Variants in PSME4 observed in about 807,000 individuals in gnomAD.
PSME4 encodes the protein proteasome activator complex subunit 4.
Under a neutral mutation model 253.9 loss-of-function variants are expected in PSME4, and 89 were observed. The ratio of observed to expected loss-of-function variants is 0.35; its 90% CI spans 0.30 to 0.42. The LOEUF is 0.42. PSME4 is among the 10% of genes least tolerant of loss of function. The probability of loss-of-function intolerance (pLI) is 1.00; values close to 1 mark genes in which losing one functional copy is unlikely to be tolerated. For missense variants in PSME4, 2,014 were observed against 2,195.2 expected (o/e 0.92, Z 1.65); for synonymous variants, 851 against 759.2 (o/e 1.12, Z -1.99).
chr2:53,964,437 CT>C (rs898572280), intron 1 of PSME4, among the ~76,000 whole-genome samples: 14 of 152,042 alleles, frequency 9.2e-5, no homozygotes, highest in African/African-American at 3.4e-4. Context: ...TTTTTTTCCC[CT>C]TATGGAAAAT....
At chr2:53,963,060 ATCCCAACACTT>A (rs1193067753) in intron 1 of PSME4, among the ~76,000 whole-genome samples, 5 of 152,154 alleles carry the variant, frequency 3.3e-5, no homozygotes, top group Middle Eastern at 3.4e-3. Flanking sequence ...CACGCATGTA[ATCCCAACACTT>A]TCCCAACACT....
At chr2:53,877,882 A>G (rs1453737308) in intron 41 of PSME4, among the ~76,000 whole-genome samples, 1 of 152,212 alleles carries the variant, frequency 6.6e-6, no homozygotes, top group African/African-American at 2.4e-5. Context: ...TACCTCAGTT[A>G]ATATAATCCT....
At chr2:53,908,711 T>C (rs1489130218) in intron 22 of PSME4, 73 bp downstream of exon 22, 4 of 1,449,054 alleles carry the variant, frequency 2.8e-6, no homozygotes, top group Admixed American at 2.0e-5. Flanking sequence ...AGTAAACACA[T>C]GCATGTTATA....
Position 53,948,480 on chromosome 2 carries a change from G to T in PSME4, c.441C>A (p.Asp147Glu), listed in dbSNP as rs754972961. Residue 147 changes from aspartate (D) to glutamate (E), a missense_variant, in exon 3 of 47, where the codon GAC becomes GAA. Transcript: ENST00000404125. ...DLELPWRPLY[D>E]MVERILYSKT... Reference sequence around the variant, plus strand: ...TGGAATATAATATTCTTTCTACCATGTCATAAAGTGGTCTCCAGGGTAACT... The same window carrying T: ...TGGAATATAATATTCTTTCTACCATTTCATAAAGTGGTCTCCAGGGTAACT... 6.2e-7 allele frequency: 1 copy of T among 1,613,692 alleles called. No individual in the cohort carries two copies. Among genetic ancestry groups the T allele is most frequent in the South Asian group, 1.1e-5 (1 of 91,054 alleles).
At chr2:53,902,139 A>G (rs1226441016) in intron 27 of PSME4, among the ~76,000 whole-genome samples, 2 of 152,236 alleles carry the variant, frequency 1.3e-5, no homozygotes, top group Non-Finnish European at 2.9e-5. Flanking sequence ...GATGTTTCTA[A>G]GAACATATAT....
chr2:53,892,032 T>C (rs542248729), intron 36 of PSME4, among the ~76,000 whole-genome samples: 2 of 152,210 alleles, frequency 1.3e-5, no homozygotes, highest in South Asian at 4.1e-4. Context: ...AAAAGCTTTA[T>C]CTCAAAGAAC....
At chr2:53,942,644 T>G (rs375254831) in intron 3 of PSME4, among the ~76,000 whole-genome samples, 2 of 152,172 alleles carry the variant, frequency 1.3e-5, no homozygotes, top group African/African-American at 4.8e-5. Flanking sequence ...AGATAAGGTA[T>G]AGAAAGCAGG....
At chr2:53,955,809 T>G (rs1052725455) in intron 1 of PSME4, among the ~76,000 whole-genome samples, 2 of 151,640 alleles carry the variant, frequency 1.3e-5, no homozygotes, top group Non-Finnish European at 2.9e-5. Flanking sequence ...GTAGTCCCAG[T>G]AACTCAGGAG....
chr2:53,920,078 T>C, intron 19 of PSME4, 115 bp downstream of exon 19: 3 of 894,306 alleles, frequency 3.4e-6, no homozygotes, highest in Non-Finnish European at 3.3e-6. Flanking sequence ...AGTACATGTA[T>C]AGCAGATTTT....
chr2:53,958,587 G>T (rs1670340187), intron 1 of PSME4, among the ~76,000 whole-genome samples: 1 of 152,014 alleles, frequency 6.6e-6, no homozygotes, highest in South Asian at 2.1e-4. Context: ...CTCCCAAGAG[G>T]CGCTTCCTTT....
At chr2:53,965,438 G>C (rs1321276359) in intron 1 of PSME4, among the ~76,000 whole-genome samples, 1 of 151,984 alleles carries the variant, frequency 6.6e-6, no homozygotes, top group Non-Finnish European at 1.5e-5. Flanking sequence ...CACCATGTTG[G>C]CCAAGGAACT....
chr2:53,890,829 A>G (rs1679871790), intron 36 of PSME4, among the ~76,000 whole-genome samples: 1 of 152,134 alleles, frequency 6.6e-6, no homozygotes, highest in Non-Finnish European at 1.5e-5. Flanking sequence ...GGAGTTCAAG[A>G]TCAAGCTGGT....
At chr2:53,866,246 A>G in intron 45 of PSME4, 23 bp from the exon 46 acceptor site, 1 of 1,612,712 alleles carries the variant, frequency 6.2e-7, no homozygotes, top group Non-Finnish European at 8.5e-7. Flanking sequence ...CAACCCACAT[A>G]CGTTTTAACC....
chr2:53,932,799 C>G, intron 8 of PSME4, 39 bp from the exon 9 acceptor site: 1 of 1,513,126 alleles, frequency 6.6e-7, no homozygotes. Flanking sequence ...GTACCCACAT[C>G]ATACTGTAAA....
chr2:53,964,890 G>C (rs931462062), intron 1 of PSME4, among the ~76,000 whole-genome samples: 3 of 152,172 alleles, frequency 2.0e-5, no homozygotes, highest in African/African-American at 4.8e-5. Flanking sequence ...CATAATATTT[G>C]TAATAATAAA....
At chr2:53,922,016 C>CA (rs1173730648) in intron 17 of PSME4, among the ~76,000 whole-genome samples, 49 of 150,476 alleles carry the variant, frequency 3.3e-4, no homozygotes, top group Admixed American at 3.3e-3. Flanking sequence ...ACTAAAAATA[C>CA]AAAAAATTAG....
At chr2:53,914,338 C>A (rs946454974) in intron 20 of PSME4, among the ~76,000 whole-genome samples, 3 of 152,156 alleles carry the variant, frequency 2.0e-5, no homozygotes, top group Non-Finnish European at 4.4e-5. Context: ...AATCCAACTT[C>A]CACATCTATA....
intron 1 of PSME4, among the ~76,000 whole-genome samples, chr2:53,961,682 AGG>A (rs1034556343): frequency 2.6e-5 from 4 of 152,178 alleles, no homozygotes; most frequent in East Asian, 3.9e-4. Flanking sequence ...TCTAAAAATA[AGG>A]GGGGGAAGGG....
Position 53,901,421 on chromosome 2 carries a change from T to C in PSME4, c.3214A>G (p.Ile1072Val), listed in dbSNP as rs369522880. Residue 1072 changes from isoleucine (I) to valine (V), a missense_variant, in exon 28 of 47, where the codon ATA becomes GTA. Physicochemically the swap from Ile to Val is conservative, Grantham distance 29. This residue lies in a region of PSME4 where 989 missense variants were observed against 1,021.1 expected (regional missense o/e 0.97). Transcript: ENST00000404125. ...GCAAGATCATCAAACAATCTCACTA[T>C]TGATGGCTTTTCCAGGGACATTGCT... ...SQAMSLEKPS[I>V]VRLFDDLAEK... 8.1e-6 allele frequency: 13 copies of C among 1,614,206 alleles called. No homozygotes were observed. Among genetic ancestry groups the C allele is most frequent in the Middle Eastern group, 1.7e-4 (1 of 6,060 alleles).
Sources: allele counts gnomAD v4.1 joint callset (sites outside exome capture counted in the v4.1 genomes callset), GRCh38; gene constraint gnomAD v4.1.1; regional missense constraint gnomAD v4.1.1; transcripts MANE v1.5; gene names NCBI Gene and HGNC (gene_info 2026-07-23, HGNC 2026-07-21).